The following GRIN2A variants were observed in gnomAD, a reference collection of about 807,000 sequenced individuals.
GRIN2A encodes the protein glutamate ionotropic receptor NMDA type subunit 2A.
Under a neutral mutation model 113.4 loss-of-function variants are expected in GRIN2A, and 22 were observed. The observed-to-expected ratio is 0.19, with a 90% CI of 0.14 to 0.28. The LOEUF (loss-of-function observed/expected upper bound fraction) is 0.28. GRIN2A is among the 10% of genes least tolerant of loss of function. The pLI is 1.00. For synonymous variants in GRIN2A, 827 were observed against 738.4 expected (o/e 1.12, Z -1.94); for missense variants, 1,502 against 1,887.0 (o/e 0.80, Z 3.78).
intron 4 of GRIN2A, among the ~76,000 whole-genome samples, chr16:9,881,730 A>AGG (rs2141455889): frequency 6.6e-6 from 1 of 152,306 alleles, no homozygotes; most frequent in African/African-American, 2.4e-5. Context: ...ACACACCATG[A>AGG]GCTCTCAGTG....
chr16:10,110,846 A>G (rs1181067119), intron 2 of GRIN2A, among the ~76,000 whole-genome samples: 1 of 152,176 alleles, frequency 6.6e-6, no homozygotes, highest in Non-Finnish European at 1.5e-5. Flanking sequence ...GAGCCCCTGA[A>G]TCGTCACTTG....
rs139374069 is a variant in GRIN2A at position 9,954,441 on chromosome 16, T to C, written c.415-15890A>G. Among the ~76,000 whole-genome samples the C allele has an allele frequency of 4.5e-3, 681 of 152,258 alleles. 3 individuals are homozygous for C. The highest frequency in any genetic ancestry group is 0.014 in the African/African-American group (584 of 41,566). On this transcript the variant is annotated intron_variant, in intron 2 of 12. Transcript: ENST00000330684. Reference sequence around the variant, plus strand: ...ACATTGCATCATCTTGCTGTTGATGTCTCCTCAAGGATTTGTTCCAACACT... The same window carrying C: ...ACATTGCATCATCTTGCTGTTGATGCCTCCTCAAGGATTTGTTCCAACACT...
At chr16:9,971,560 T>C (rs1401988686) in intron 2 of GRIN2A, among the ~76,000 whole-genome samples, 2 of 152,234 alleles carry the variant, frequency 1.3e-5, no homozygotes, top group African/African-American at 2.4e-5. Context: ...AGCTCCTGTA[T>C]CTTGTAGCAA....
intron 3 of GRIN2A, among the ~76,000 whole-genome samples, chr16:9,891,427 G>A (rs2043692947): frequency 6.6e-6 from 1 of 152,144 alleles, no homozygotes; most frequent in African/African-American, 2.4e-5. Context: ...GAAGCTGCTT[G>A]CTCATAAACC....
chr16:9,781,217 A>C (rs982598231), intron 11 of GRIN2A, among the ~76,000 whole-genome samples: 30 of 152,218 alleles, frequency 2.0e-4, no homozygotes, highest in African/African-American at 7.2e-4. Context: ...AAAACATGAA[A>C]CATGAAATAA....
chr16:10,168,364 A>G (rs1372329510), intron 2 of GRIN2A, among the ~76,000 whole-genome samples: 1 of 152,238 alleles, frequency 6.6e-6, no homozygotes, highest in East Asian at 1.9e-4. Flanking sequence ...TTACTCACAC[A>G]CTTGGAAAAA....
At chr16:10,036,343 T>G (rs2047024711) in intron 2 of GRIN2A, among the ~76,000 whole-genome samples, 1 of 152,094 alleles carries the variant, frequency 6.6e-6, no homozygotes, top group African/African-American at 2.4e-5. Context: ...GGACAATCTA[T>G]TTCATGCCTT....
chr16:10,139,133 G>T (rs2049268044), intron 2 of GRIN2A, among the ~76,000 whole-genome samples: 1 of 152,212 alleles, frequency 6.6e-6, no homozygotes, highest in African/African-American at 2.4e-5. Context: ...GAAACAGACA[G>T]CCCTGGAGGC....
intron 4 of GRIN2A, among the ~76,000 whole-genome samples, chr16:9,869,679 G>C (rs551927691): frequency 6.6e-6 from 1 of 152,140 alleles, no homozygotes; most frequent in Non-Finnish European, 1.5e-5. Flanking sequence ...GGCATAATAG[G>C]AGTAATCACA....
intron 2 of GRIN2A, among the ~76,000 whole-genome samples, chr16:10,101,091 G>A (rs2048385708): frequency 6.6e-6 from 1 of 152,194 alleles, no homozygotes; most frequent in Non-Finnish European, 1.5e-5. Flanking sequence ...GGGCATGAGG[G>A]GGACATGGGG....
chr16:10,075,983 A>T (rs1387387228), intron 2 of GRIN2A, among the ~76,000 whole-genome samples: 2 of 152,130 alleles, frequency 1.3e-5, no homozygotes, highest in Non-Finnish European at 2.9e-5. Flanking sequence ...GAAAATCCAA[A>T]CCACTCCCTT....
chr16:9,967,803 T>C, intron 2 of GRIN2A, among the ~76,000 whole-genome samples: 1 of 152,210 alleles, frequency 6.6e-6, no homozygotes, highest in Non-Finnish European at 1.5e-5. Context: ...TAGTCTTAGG[T>C]GATGGGTGCA....
At chr16:9,864,827 C>T (rs896708398) in intron 4 of GRIN2A, among the ~76,000 whole-genome samples, 1 of 152,124 alleles carries the variant, frequency 6.6e-6, no homozygotes, top group Admixed American at 6.6e-5. Flanking sequence ...GGCATTTGTT[C>T]TTCTGTATCT....
chr16:10,066,997 CT>C (rs2047662141), intron 2 of GRIN2A, among the ~76,000 whole-genome samples: 1 of 152,202 alleles, frequency 6.6e-6, no homozygotes, highest in Non-Finnish European at 1.5e-5. Context: ...CACTCCCTAG[CT>C]CACGATATTT....
rs11866328 is a variant in GRIN2A at position 9,768,699 on chromosome 16, G to T, written c.2595+152C>A. The T allele has an allele frequency of 0.37, 279,210 of 753,224 alleles. 54,121 individuals are homozygous for T. The highest frequency in any genetic ancestry group is 0.42 in the Non-Finnish European group (173,122 of 411,540). The allele number at this position is 753,224 out of a possible 1,614,324, so 46.7% of individuals were successfully genotyped here. Reference sequence around the variant, plus strand: ...TAGTCATCTAAGTTTGCAACACCTGGCTTATGAATGCACAAAATCTGGATG... The same window carrying T: ...TAGTCATCTAAGTTTGCAACACCTGTCTTATGAATGCACAAAATCTGGATG... On this transcript the variant is annotated intron_variant, in intron 12 of 12. Transcript: ENST00000330684.
At chr16:9,997,772 A>T (rs190135925) in intron 2 of GRIN2A, among the ~76,000 whole-genome samples, 2 of 152,304 alleles carry the variant, frequency 1.3e-5, no homozygotes, top group East Asian at 3.9e-4. Context: ...TGCTATTCTC[A>T]TGATAGTGAA....
At chr16:9,930,544 G>A (rs936355599) in intron 3 of GRIN2A, among the ~76,000 whole-genome samples, 3 of 152,178 alleles carry the variant, frequency 2.0e-5, no homozygotes, top group African/African-American at 7.2e-5. Flanking sequence ...CCAATCAGAT[G>A]TACAGCAAAG....
chr16:9,991,488 T>A (rs1029843469), intron 2 of GRIN2A, among the ~76,000 whole-genome samples: 16 of 152,350 alleles, frequency 1.1e-4, no homozygotes, highest in Admixed American at 1.0e-3. Flanking sequence ...TGGCTTTTAG[T>A]GTAGCTGTCA....
chr16:10,172,526 G>C (rs1481693148), intron 2 of GRIN2A, among the ~76,000 whole-genome samples: 2 of 152,230 alleles, frequency 1.3e-5, no homozygotes, highest in Non-Finnish European at 2.9e-5. Flanking sequence ...AATGAGTGAA[G>C]TGAAGTGAAG....
Sources: gnomAD v4.1 joint callset for allele counts (sites outside exome capture counted in the v4.1 genomes callset) on GRCh38, gnomAD v4.1.1 for gene constraint, MANE v1.5 for transcripts, NCBI Gene and HGNC (gene_info 2026-07-23, HGNC 2026-07-21) for gene names.